Variants in TMTC2 observed in about 807,000 individuals in gnomAD.
TMTC2 encodes transmembrane O-mannosyltransferase targeting cadherins 2.
In TMTC2, 43 loss-of-function variants were observed where a neutral mutation model predicts 82.4. That is an observed-to-expected ratio of 0.52 (90% CI 0.41 to 0.67). The LOEUF (loss-of-function observed/expected upper bound fraction) is 0.67, where lower values mean the gene tolerates loss of function less well. TMTC2 is among the 30% of genes least tolerant of loss of function. The pLI, the probability that TMTC2 is intolerant of heterozygous loss-of-function variation, is 0.00. For synonymous variants in TMTC2, 408 were observed against 381.9 expected (o/e 1.07, Z -0.80); for missense variants, 919 against 1,012.4 (o/e 0.91, Z 1.25).
chr12:82,819,503 T>C lies in TMTC2; in HGVS notation c.84-37507T>C, dbSNP rs1471109818. On this transcript the variant is annotated intron_variant, in intron 1 of 11. Transcript: ENST00000321196. ...ACTTTTTCTTTCTCTCTTTCTTTTTTTTTTTTTTTTTTTTTGAGACGGAGT... is the reference window on the plus strand; with the variant it reads ...ACTTTTTCTTTCTCTCTTTCTTTTTCTTTTTTTTTTTTTTTGAGACGGAGT... 1.0e-4 allele frequency among the ~76,000 whole-genome samples: 12 copies of C among 117,916 alleles called. No individual in the cohort carries two copies. The East Asian group carries it at 2.0e-3, about 20-fold the overall frequency. 77.4% of individuals were successfully genotyped at this position (117,916 alleles called of 152,430 possible). A position where few individuals can be genotyped will look rare whatever the true frequency, so the allele number is the denominator to read the frequency against.
intron 8 of TMTC2, among the ~76,000 whole-genome samples, chr12:83,024,137 C>G (rs1472147568): frequency 6.6e-6 from 1 of 152,088 alleles, no homozygotes; most frequent in Non-Finnish European, 1.5e-5. Flanking sequence ...AGTATTAATA[C>G]TCAAGTTGAT....
chr12:83,065,236 A>T (rs1413557704), intron 11 of TMTC2, among the ~76,000 whole-genome samples: 1 of 151,960 alleles, frequency 6.6e-6, no homozygotes. Flanking sequence ...AATATGTCCC[A>T]TGATGAATTT....
intron 1 of TMTC2, among the ~76,000 whole-genome samples, chr12:82,748,936 CTA>C (rs569220290): frequency 1.1e-3 from 173 of 152,302 alleles, no homozygotes; most frequent in African/African-American, 4.0e-3. Flanking sequence ...ATGTGTATCT[CTA>C]TATATATGTG....
At chr12:82,959,735 T>C (rs1461639849) in intron 4 of TMTC2, among the ~76,000 whole-genome samples, 1 of 152,048 alleles carries the variant, frequency 6.6e-6, no homozygotes, top group Non-Finnish European at 1.5e-5. Flanking sequence ...GAAGGAAACC[T>C]AAGAGACACC....
At chr12:83,024,041 G>A (rs1276535986) in intron 8 of TMTC2, among the ~76,000 whole-genome samples, 1 of 152,146 alleles carries the variant, frequency 6.6e-6, no homozygotes, top group Non-Finnish European at 1.5e-5. Context: ...GCAGAATATG[G>A]TGACTGTACT....
chr12:83,117,896 TTTTATTTATTTATTTA>T (rs3069105), intron 11 of TMTC2, among the ~76,000 whole-genome samples: 2,325 of 149,058 alleles, frequency 0.016, 68 homozygotes, highest in African/African-American at 0.055. Context: ...TTCCTAAGTA[TTTTATTTATTTATTTA>T]TTTATTTATT....
rs541981631 is a variant in TMTC2, at chr12:82,822,288, A to G, written c.84-34722A>G. Among the ~76,000 whole-genome samples the G allele has an allele frequency of 2.6e-5, 4 of 152,254 alleles. No individual in the cohort carries two copies. In the South Asian group the frequency reaches 8.3e-4, roughly 32 times the overall value. On this transcript the variant is annotated intron_variant, in intron 1 of 11. Coordinates refer to ENST00000321196, the MANE Select transcript of TMTC2 (RefSeq NM_152588.3). ...AACACGAAGAATGAACTGTAAGGTA[A>G]ACTATGGACTTTTGTGTAATAATGA...
Position 82,902,577 on chromosome 12 carries a change from A to G in TMTC2, c.1483+5931A>G, listed in dbSNP as rs534885707. On this transcript the variant is annotated intron_variant, in intron 3 of 11. Coordinates refer to ENST00000321196, the MANE Select transcript of TMTC2 (RefSeq NM_152588.3). Reference sequence around the variant, plus strand: ...ATGTCTCAGCTGAACTCCTGCTTCTATTCACCTTCAAAGTCTATGCTTAAC... The same window carrying G: ...ATGTCTCAGCTGAACTCCTGCTTCTGTTCACCTTCAAAGTCTATGCTTAAC... Among the ~76,000 whole-genome samples the G allele has an allele frequency of 1.8e-3, 280 of 152,260 alleles. 1 individual carries two copies. The highest frequency in any genetic ancestry group is 0.011 in the South Asian group (51 of 4,828).
At chr12:83,096,074 G>T (rs1364783760) in intron 11 of TMTC2, among the ~76,000 whole-genome samples, 1 of 152,210 alleles carries the variant, frequency 6.6e-6, no homozygotes, top group Non-Finnish European at 1.5e-5. Flanking sequence ...CACTTTACAG[G>T]CACTTCACAG....
intron 11 of TMTC2, among the ~76,000 whole-genome samples, chr12:83,124,319 G>A (rs1473301587): frequency 6.6e-6 from 1 of 152,158 alleles, no homozygotes; most frequent in African/African-American, 2.4e-5. Context: ...TTTTCTGCTA[G>A]CACATACAAA....
intron 1 of TMTC2, among the ~76,000 whole-genome samples, chr12:82,798,461 C>T (rs112212158): frequency 0.026 from 3,657 of 140,334 alleles, 77 homozygotes; most frequent in Non-Finnish European, 0.042. Flanking sequence ...GGTGCCACTG[C>T]ACTCCGGCCT....
At chr12:82,903,225 GCCACCCCT>G (rs1874112206) in intron 3 of TMTC2, among the ~76,000 whole-genome samples, 3 of 152,054 alleles carry the variant, frequency 2.0e-5, no homozygotes, top group Admixed American at 2.0e-4. Flanking sequence ...ATAAATTACA[GCCACCCCT>G]CCACCTCTGT....
At chr12:82,784,452 T>C (rs980133066) in intron 1 of TMTC2, among the ~76,000 whole-genome samples, 11 of 152,128 alleles carry the variant, frequency 7.2e-5, no homozygotes, top group Admixed American at 2.0e-4. Flanking sequence ...ATGTAATTAC[T>C]ATGATCGCAC....
At chr12:82,820,526 C>T (rs941446728) in intron 1 of TMTC2, among the ~76,000 whole-genome samples, 10 of 152,022 alleles carry the variant, frequency 6.6e-5, no homozygotes, top group African/African-American at 2.2e-4. Context: ...AGGTGTGTGC[C>T]ACCACACCCG....
In TMTC2 at chr12:83,132,374, G is replaced by A. The variant is rs781110241; in HGVS notation, c.2496G>A (p.Lys832=). ...LWNIMEKQGL[K]TSKT ...ACATCATGGAAAAACAAGGCTTAAA[G>A]ACTTCTAAGACCTGACACAGGAGGC... Residue 832 remains lysine (K), a synonymous_variant, in exon 12 of 12, where the codon AAG becomes AAA. Coordinates refer to ENST00000321196, the MANE Select transcript of TMTC2 (RefSeq NM_152588.3). 1.3e-5 allele frequency: 21 copies of A among 1,613,688 alleles called. No homozygotes were observed. The East Asian group carries it at 4.5e-4, about 34-fold the overall frequency.
chr12:83,006,876 G>A lies in TMTC2; in HGVS notation c.2070+20830G>A, dbSNP rs546000493. ...ACAGAAAACCAAACACTGCATGTTC[G>A]TTCTCACTCATAGGTGGGAATTGAA... On this transcript the variant is annotated intron_variant, in intron 8 of 11. Coordinates refer to ENST00000321196, the MANE Select transcript of TMTC2 (RefSeq NM_152588.3). Among the ~76,000 whole-genome samples the A allele has an allele frequency of 3.9e-4, 60 of 151,924 alleles. 1 individual carries two copies. The highest frequency in any genetic ancestry group is 1.3e-3 in the Admixed American group (20 of 15,258).
At chr12:82,735,851 T>G (rs1393432551) in intron 1 of TMTC2, among the ~76,000 whole-genome samples, 1 of 151,862 alleles carries the variant, frequency 6.6e-6, no homozygotes, top group Non-Finnish European at 1.5e-5. Flanking sequence ...CCTGGCGTGG[T>G]GGTAGGCACT....
In TMTC2 at chr12:82,845,137, G is replaced by A. The variant is rs965601534; in HGVS notation, c.84-11873G>A. 9.0e-5 allele frequency among the ~76,000 whole-genome samples: 13 copies of A among 143,992 alleles called. No individual in the cohort carries two copies. In the Admixed American group the frequency reaches 9.3e-4, roughly 10 times the overall value. 94.5% of individuals were successfully genotyped at this position (143,992 alleles called of 152,430 possible). A position where few individuals can be genotyped will look rare whatever the true frequency, so the allele number is the denominator to read the frequency against. Reference sequence around the variant, plus strand: ...CTAGCTACTTGGGAGGCTGAGACAGGAGAATCGCTTGAACCTGGGAGACAG... The same window carrying A: ...CTAGCTACTTGGGAGGCTGAGACAGAAGAATCGCTTGAACCTGGGAGACAG... On this transcript the variant is annotated intron_variant, in intron 1 of 11. Coordinates refer to ENST00000321196, the MANE Select transcript of TMTC2 (RefSeq NM_152588.3).
intron 4 of TMTC2, among the ~76,000 whole-genome samples, chr12:82,964,738 G>A (rs1878110342): frequency 6.6e-6 from 1 of 152,084 alleles, no homozygotes; most frequent in South Asian, 2.1e-4. Flanking sequence ...TAATTCTAGT[G>A]GGAGAGAAAA....
Sources: gnomAD v4.1 joint callset for allele counts (sites outside exome capture counted in the v4.1 genomes callset) on GRCh38, gnomAD v4.1.1 for gene constraint, MANE v1.5 for transcripts, NCBI Gene and HGNC (gene_info 2026-07-23, HGNC 2026-07-21) for gene names.